The following CFAP91 variants were observed in gnomAD, a reference collection of about 807,000 sequenced individuals.
The protein encoded by CFAP91 is cilia and flagella associated protein 91.
In CFAP91, 85 loss-of-function variants were observed where a neutral mutation model predicts 95.9. That is an observed-to-expected ratio of 0.89 (90% confidence interval 0.74 to 1.06). The LOEUF (loss-of-function observed/expected upper bound fraction) is 1.06. Among genes scored for constraint, CFAP91 ranks in the 50% least tolerant of loss-of-function variants. CFAP91 has a pLI of 0.00. For synonymous variants in CFAP91, 335 were observed against 327.5 expected (o/e 1.02, Z -0.25); for missense variants, 962 against 943.4 (o/e 1.02, Z -0.26).
chr3:119,764,729 A>C (rs1017614571), intron 17 of CFAP91, among the ~76,000 whole-genome samples: 2 of 152,258 alleles, frequency 1.3e-5, no homozygotes, highest in Admixed American at 1.3e-4. Context: ...TGGGGACTGG[A>C]GTTCACACCA....
chr3:119,726,125 A>C (rs1409944420), intron 6 of CFAP91, 46 bp from the exon 7 acceptor site: 1 of 1,530,436 alleles, frequency 6.5e-7, no homozygotes, highest in East Asian at 2.3e-5. Flanking sequence ...TGGGGGGTGC[A>C]TGGGTCAGCT....
chr3:119,730,397 A>G lies in CFAP91; in HGVS notation c.1018+20A>G. ...TATCAAGTAATGGTGTAGTATGAAC[A>G]ATGAAGACGGTGGAAAAGTGGGCTT... On this transcript the variant is annotated intron_variant, in intron 8 of 17. Coordinates refer to ENST00000273390, the MANE Select transcript of CFAP91 (RefSeq NM_033364.4). The G allele has an allele frequency of 1.2e-6, 2 of 1,600,698 alleles. No homozygotes were observed. Among genetic ancestry groups the G allele is most frequent in the Non-Finnish European group, 1.7e-6 (2 of 1,174,088 alleles).
Position 119,732,296 on chromosome 3 carries a change from A to G in CFAP91, c.1021A>G (p.Ile341Val). 6.3e-7 allele frequency: 1 copy of G among 1,597,584 alleles called. No individual in the cohort carries two copies. ...AKIQRTHVST[I>V]RKLVGKRKNI... ...CATGGAGGTATGTTTTATTTCAGCA[A>G]TCAGAAAACTTGTAGGAAAGAGAAA... Residue 341 changes from isoleucine to valine, a missense_variant and splice_region_variant, in exon 9 of 18, where the codon ATC (isoleucine) becomes GTC (valine). Ile to Val is a conservative substitution (Grantham distance 29). Coordinates refer to ENST00000273390, the MANE Select transcript of CFAP91 (RefSeq NM_033364.4).
intron 16 of CFAP91, 115 bp from the exon 17 acceptor site, chr3:119,750,822 G>T: frequency 2.8e-6 from 3 of 1,088,062 alleles, no homozygotes; most frequent in East Asian, 5.1e-5. Context: ...ATTAGATTTG[G>T]GTTGGGTTTT....
Position 119,715,581 on chromosome 3 carries a change from C to A in CFAP91, c.520C>A (p.Pro174Thr). Residue 174 changes from proline to threonine, a missense_variant, in exon 6 of 18, where the codon CCT (proline) becomes ACT (threonine). Physicochemically the swap from Pro to Thr is conservative, Grantham distance 38 (BLOSUM62 -1). Coordinates refer to ENST00000273390, the MANE Select transcript of CFAP91 (RefSeq NM_033364.4). Reference sequence around the variant, plus strand: ...TTTTAGGGCAGAACCATACACTTTTCCTCCTACTTCTACTAAGCACCTATC... The same window carrying A: ...TTTTAGGGCAGAACCATACACTTTTACTCCTACTTCTACTAAGCACCTATC... ...AVSKAEPYTF[P>T]PTSTKHLSIP... is the part of the protein sequence containing the mutation. 6.2e-7 allele frequency: 1 copy of A among 1,614,024 alleles called. No individual in the cohort carries two copies. Among genetic ancestry groups the A allele is most frequent in the Non-Finnish European group, 8.5e-7 (1 of 1,179,940 alleles).
At chr3:119,764,653 A>G (rs1314871994) in intron 17 of CFAP91, among the ~76,000 whole-genome samples, 1 of 152,154 alleles carries the variant, frequency 6.6e-6, no homozygotes, top group African/African-American at 2.4e-5. Context: ...TGCCTGCAGT[A>G]TACAGAGAAT....
chr3:119,725,355 A>G (rs915126164), intron 6 of CFAP91, among the ~76,000 whole-genome samples: 3 of 152,250 alleles, frequency 2.0e-5, no homozygotes, highest in African/African-American at 7.2e-5. Flanking sequence ...TTGAATGCTT[A>G]AAGTTGCAGG....
chr3:119,722,293 C>T (rs1272107856), intron 6 of CFAP91, among the ~76,000 whole-genome samples: 1 of 151,620 alleles, frequency 6.6e-6, no homozygotes, highest in Non-Finnish European at 1.5e-5. Flanking sequence ...CCCGTCTCTA[C>T]TAAAAATACA....
At chr3:119,749,271 C>G (rs1389038245) in intron 16 of CFAP91, 3 of 152,098 alleles carry the variant, frequency 2.0e-5, no homozygotes, top group Non-Finnish European at 4.4e-5. Context: ...GTCTGTAATC[C>G]CAGCACTTTG....
At chr3:119,751,308 C>G (rs150953681) in intron 17 of CFAP91, among the ~76,000 whole-genome samples, 1 of 152,148 alleles carries the variant, frequency 6.6e-6, no homozygotes, top group Non-Finnish European at 1.5e-5. Flanking sequence ...CAATTAGACT[C>G]TTGTGATACA....
At chr3:119,714,382 AAAAG>A (rs1553705764) in intron 5 of CFAP91, among the ~76,000 whole-genome samples, 4 of 128,476 alleles carry the variant, frequency 3.1e-5, no homozygotes, top group African/African-American at 1.1e-4. Context: ...AAAAAAAAAA[AAAAG>A]AAAGAAACGC....
chr3:119,758,855 T>C (rs777757317), intron 17 of CFAP91, among the ~76,000 whole-genome samples: 1 of 152,100 alleles, frequency 6.6e-6, no homozygotes, highest in Non-Finnish European at 1.5e-5. Context: ...AATGAACATT[T>C]GCAATCAATT....
chr3:119,738,425 TG>T (rs1463492146), intron 11 of CFAP91, among the ~76,000 whole-genome samples: 8 of 135,600 alleles, frequency 5.9e-5, no homozygotes, highest in Admixed American at 1.7e-4. Context: ...CTTGGCTCAC[TG>T]CAACCTCTGC....
chr3:119,730,130 C>A, intron 7 of CFAP91, 90 bp from the exon 8 acceptor site: 2 of 1,332,614 alleles, frequency 1.5e-6, no homozygotes, highest in Admixed American at 2.2e-5. Context: ...TGATAGCAGC[C>A]CACAGAGAAG....
Position 119,733,443 on chromosome 3 carries a change from C to T in CFAP91, c.1281C>T (p.Thr427=). ...QIRAPKPKVI[T]TKAGFLKRAA... is the part of the protein sequence containing the mutation. ...GAGCTCCAAAACCTAAAGTCATTAC[C>T]ACCAAAGCTGGTTTTCTGAAGAGGG... Residue 427 remains threonine, a synonymous_variant, in exon 10 of 18, where the codon ACC becomes ACT. Coordinates refer to ENST00000273390, the MANE Select transcript of CFAP91 (RefSeq NM_033364.4). 6.2e-7 allele frequency: 1 copy of T among 1,614,098 alleles called. No homozygotes were observed. The highest frequency in any genetic ancestry group is 1.1e-5 in the South Asian group (1 of 91,084).
At position 119,766,273 on chromosome 3, in the gene CFAP91, A is replaced by C. The variant is rs1269487296; in HGVS notation, c.*1223A>C. 1 of 152,204 alleles carries C rather than the reference A, an allele frequency of 6.6e-6. No homozygotes were observed. The highest frequency in any genetic ancestry group is 1.5e-5 in the Non-Finnish European group (1 of 68,036). The allele number at this position is 152,204 out of a possible 1,614,324, so 9.4% of individuals were successfully genotyped here. A position where few individuals can be genotyped will look rare whatever the true frequency, so the allele number is the denominator to read the frequency against. On this transcript the variant is annotated 3_prime_UTR_variant, in exon 18 of 18. Transcript: ENST00000273390. ...GAGTTCTTGAAGAAGAAACCAGAACAAATAAAATAGAAACAATAATCAGAG... is the reference window on the plus strand; with the variant it reads ...GAGTTCTTGAAGAAGAAACCAGAACCAATAAAATAGAAACAATAATCAGAG...
chr3:119,737,279 A>C (rs540899041), intron 10 of CFAP91, 87 bp from the exon 11 acceptor site: 1 of 723,922 alleles, frequency 1.4e-6, no homozygotes, highest in African/African-American at 1.8e-5. Context: ...TATGTAATAC[A>C]TTCATGTAAA....
chr3:119,749,980 T>A (rs149345288), intron 16 of CFAP91, among the ~76,000 whole-genome samples: 1 of 152,316 alleles, frequency 6.6e-6, no homozygotes, highest in African/African-American at 2.4e-5. Flanking sequence ...GTAGGTATAT[T>A]CTCATTTTTC....
At chr3:119,763,385 C>A (rs2054573200) in intron 17 of CFAP91, among the ~76,000 whole-genome samples, 1 of 151,998 alleles carries the variant, frequency 6.6e-6, no homozygotes, top group Admixed American at 6.6e-5. Flanking sequence ...TAAATTAGTA[C>A]AGCCATTGTG....
Sources: gnomAD v4.1 joint callset for allele counts (sites outside exome capture counted in the v4.1 genomes callset) on GRCh38, gnomAD v4.1.1 for gene constraint, MANE v1.5 for transcripts, NCBI Gene and HGNC (gene_info 2026-07-23, HGNC 2026-07-21) for gene names.